The following GABBR2 variants were observed in gnomAD, a reference collection of about 807,000 sequenced individuals.
GABBR2 encodes the protein gamma-aminobutyric acid type B receptor subunit 2.
Under a neutral mutation model 105.6 loss-of-function variants are expected in GABBR2, and 23 were observed. That is an observed-to-expected ratio of 0.22 (90% CI 0.16 to 0.31). The LOEUF is 0.31. GABBR2 is among the 10% of genes least tolerant of loss of function. GABBR2 has a pLI of 1.00. For synonymous variants in GABBR2, 478 were observed against 499.7 expected, an observed-to-expected ratio of 0.96 and a Z score of 0.58; for missense variants, 734 against 1,245.5, an observed-to-expected ratio of 0.59 and a Z score of 6.18.
At chr9:98,626,160 A>G (rs1485582221) in intron 1 of GABBR2, among the ~76,000 whole-genome samples, 3 of 152,224 alleles carry the variant, frequency 2.0e-5, no homozygotes, top group Admixed American at 1.3e-4. Flanking sequence ...CATATATTGT[A>G]TAATTTCATT....
chr9:98,290,816 A>G, intron 18 of GABBR2, 67 bp from the exon 19 acceptor site: 1 of 1,207,698 alleles, frequency 8.3e-7, no homozygotes, highest in Non-Finnish European at 1.1e-6. Flanking sequence ...AGTTCCTTGG[A>G]CTTGCTTTGG....
chr9:98,641,361 C>G (rs1829960162), intron 1 of GABBR2, among the ~76,000 whole-genome samples: 1 of 150,824 alleles, frequency 6.6e-6, no homozygotes, highest in Non-Finnish European at 1.5e-5. Context: ...TGGTCTCGAA[C>G]TCCTGACCTC....
At chr9:98,540,984 T>G (rs1284220232) in intron 3 of GABBR2, among the ~76,000 whole-genome samples, 1 of 152,214 alleles carries the variant, frequency 6.6e-6, no homozygotes, top group African/African-American at 2.4e-5. Flanking sequence ...CTTCTCAAAT[T>G]TTTAAATGGC....
At chr9:98,515,713 T>A (rs1293935420) in intron 3 of GABBR2, among the ~76,000 whole-genome samples, 3 of 150,540 alleles carry the variant, frequency 2.0e-5, no homozygotes, top group African/African-American at 7.3e-5. Flanking sequence ...CCCACCCCCA[T>A]CCCTCACTCC....
At chr9:98,699,254 T>C (rs1171060205) in intron 1 of GABBR2, among the ~76,000 whole-genome samples, 2 of 152,178 alleles carry the variant, frequency 1.3e-5, no homozygotes, top group Non-Finnish European at 2.9e-5. Flanking sequence ...TAGGTTTTGA[T>C]GTACCTTGGA....
Position 98,702,677 on chromosome 9 carries a change from G to T in GABBR2, c.321+5740C>A, listed in dbSNP as rs139190394. On this transcript the variant is annotated intron_variant, in intron 1 of 18. Coordinates refer to ENST00000259455, the MANE Select transcript of GABBR2 (RefSeq NM_005458.8). ...CATCTTTGATCTGGAGACCCTTCCT[G>T]GTATCCAATGTCCATTTCCCAGAGC... is the stretch of plus-strand genomic sequence containing the variant. Among the ~76,000 whole-genome samples the T allele has an allele frequency of 3.3e-5, 5 of 152,194 alleles. No homozygotes were observed. The South Asian group carries it at 6.2e-4, about 19-fold the overall frequency.
intron 13 of GABBR2, among the ~76,000 whole-genome samples, chr9:98,343,054 T>C (rs1219182231): frequency 6.6e-6 from 1 of 152,200 alleles, no homozygotes; most frequent in Non-Finnish European, 1.5e-5. Context: ...ACATAACTGG[T>C]ATAACCACCA....
At chr9:98,633,750 C>T (rs1247023457) in intron 1 of GABBR2, among the ~76,000 whole-genome samples, 4 of 151,998 alleles carry the variant, frequency 2.6e-5, no homozygotes, top group South Asian at 2.1e-4. Context: ...CGGGGAGGGA[C>T]GTGGAAGAGC....
chr9:98,568,913 A>G (rs904042486), intron 2 of GABBR2, among the ~76,000 whole-genome samples: 105 of 152,286 alleles, frequency 6.9e-4, no homozygotes, highest in African/African-American at 2.5e-3. Context: ...ACAGCCAGGA[A>G]GGACTCTCCA....
At chr9:98,509,780 A>G (rs1827597832) in intron 3 of GABBR2, among the ~76,000 whole-genome samples, 1 of 152,252 alleles carries the variant, frequency 6.6e-6, no homozygotes, top group Non-Finnish European at 1.5e-5. Flanking sequence ...TGAAAAGACC[A>G]GATCTATGTC....
intron 7 of GABBR2, among the ~76,000 whole-genome samples, chr9:98,444,111 T>C (rs983862167): frequency 3.9e-5 from 6 of 152,234 alleles, no homozygotes; most frequent in African/African-American, 1.2e-4. Flanking sequence ...GTTTCTTTAA[T>C]CTATGACATG....
chr9:98,410,190 A>T (rs900142645), intron 7 of GABBR2, among the ~76,000 whole-genome samples: 2 of 151,632 alleles, frequency 1.3e-5, no homozygotes, highest in Non-Finnish European at 2.9e-5. Flanking sequence ...ATGTAGAGAT[A>T]AATATCATGA....
intron 13 of GABBR2, among the ~76,000 whole-genome samples, chr9:98,343,056 T>C (rs1831242627): frequency 1.3e-5 from 2 of 152,214 alleles, no homozygotes; most frequent in Admixed American, 6.5e-5. Context: ...ATAACTGGTA[T>C]AACCACCAGG....
chr9:98,582,916 G>A (rs1829021833), intron 1 of GABBR2, among the ~76,000 whole-genome samples: 1 of 152,202 alleles, frequency 6.6e-6, no homozygotes, highest in South Asian at 2.1e-4. Flanking sequence ...CTGAGGACTA[G>A]AGAGAAGGGA....
intron 7 of GABBR2, among the ~76,000 whole-genome samples, chr9:98,413,449 TTC>T (rs945762515): frequency 6.7e-6 from 1 of 149,584 alleles, no homozygotes; most frequent in African/African-American, 2.6e-5. Flanking sequence ...TTAAAAAATA[TTC>T]TTTTTTTTTT....
At chr9:98,551,044 C>G (rs1163176443) in intron 2 of GABBR2, among the ~76,000 whole-genome samples, 1 of 152,170 alleles carries the variant, frequency 6.6e-6, no homozygotes, top group Admixed American at 6.5e-5. Flanking sequence ...ACCCAATCGG[C>G]CAGCCACAGT....
At chr9:98,692,458 A>G (rs965930227) in intron 1 of GABBR2, among the ~76,000 whole-genome samples, 16 of 152,232 alleles carry the variant, frequency 1.1e-4, no homozygotes, top group African/African-American at 3.6e-4. Flanking sequence ...TGAAGCCAAC[A>G]GTGTCTACAC....
intron 13 of GABBR2, among the ~76,000 whole-genome samples, chr9:98,328,207 C>G (rs1830957980): frequency 6.6e-6 from 1 of 151,836 alleles, no homozygotes; most frequent in South Asian, 2.1e-4. Flanking sequence ...GCTTCCTCCC[C>G]CTAGACTTCT....
chr9:98,520,129 G>A (rs977972284), intron 3 of GABBR2, among the ~76,000 whole-genome samples: 1 of 152,098 alleles, frequency 6.6e-6, no homozygotes, highest in African/African-American at 2.4e-5. Flanking sequence ...TTCTTGAAAA[G>A]GTAAGCTAAT....
Sources: gnomAD v4.1 joint callset for allele counts (sites outside exome capture counted in the v4.1 genomes callset) on GRCh38, gnomAD v4.1.1 for gene constraint, MANE v1.5 for transcripts, NCBI Gene and HGNC (gene_info 2026-07-23, HGNC 2026-07-21) for gene names.